Variants in ASPG observed in about 807,000 individuals in gnomAD.
ASPG encodes asparaginase.
ASPG carries 53 observed loss-of-function variants against 63.2 expected under a neutral mutation model. The observed-to-expected ratio is 0.84, with a 90% CI of 0.67 to 1.05. ASPG has a LOEUF of 1.05. ASPG is among the 50% of genes least tolerant of loss of function. ASPG has a pLI of 0.00. For missense variants in ASPG, 741 were observed against 794.4 expected, an observed-to-expected ratio of 0.93 and a Z score of 0.81; for synonymous variants, 370 against 355.0, an observed-to-expected ratio of 1.04 and a Z score of -0.48.
At chr14:104,111,265 A>C (rs2037372371) in intron 13 of ASPG, 3 of 898,292 alleles carry the variant, frequency 3.3e-6, no homozygotes, top group Non-Finnish European at 4.0e-6. Flanking sequence ...ATGTGTGTTC[A>C]TGTATGTTTG....
chr14:104,106,492 G>A (rs1193942666), intron 10 of ASPG, among the ~76,000 whole-genome samples: 1 of 152,144 alleles, frequency 6.6e-6, no homozygotes, highest in East Asian at 1.9e-4. Flanking sequence ...GGGAGCAGAC[G>A]GGGGAGTCTG....
chr14:104,098,155 G>GTATGGAGGTTATACC (rs2036708826), intron 5 of ASPG, among the ~76,000 whole-genome samples: 3 of 106,856 alleles, frequency 2.8e-5, no homozygotes, highest in Non-Finnish European at 6.3e-5. Context: ...GAGGTTCTGC[G>GTATGGAGGTTATACC]TTAGAGATAC....
chr14:104,087,657 C>T (rs747740145), intron 1 of ASPG, among the ~76,000 whole-genome samples: 12 of 152,212 alleles, frequency 7.9e-5, no homozygotes, highest in African/African-American at 2.7e-4. Context: ...CCTCGTCCGA[C>T]GCCCCTGACG....
chr14:104,098,588 C>T (rs2036730206), intron 5 of ASPG, among the ~76,000 whole-genome samples: 1 of 152,158 alleles, frequency 6.6e-6, no homozygotes, highest in Admixed American at 6.5e-5. Flanking sequence ...ACCCTCCTGC[C>T]ACCCAGCCAC....
chr14:104,109,435 C>A lies in ASPG; in HGVS notation c.1520+120C>A. 1 of 1,121,086 alleles carries A rather than the reference C, an allele frequency of 8.9e-7. No individual in the cohort carries two copies. The highest frequency in any genetic ancestry group is 1.3e-6 in the Non-Finnish European group (1 of 799,894). The allele number at this position is 1,121,086 out of a possible 1,614,324, so 69.4% of individuals were successfully genotyped here. A position where few individuals can be genotyped will look rare whatever the true frequency, so the allele number is the denominator to read the frequency against. ...GGTGTGGGGGCTTTCAGAGGCGAGG[C>A]CCGCTGACCTCAGTGTGCACCAACC... On this transcript the variant is annotated intron_variant, in intron 13 of 15. Transcript: ENST00000551177. The surrounding 1 kb of genome is among the most constrained non-coding windows in gnomAD (Gnocchi z 4.8).
chr14:104,107,440 G>A, intron 12 of ASPG, 95 bp downstream of exon 12: 1 of 1,239,082 alleles, frequency 8.1e-7, no homozygotes, highest in African/African-American at 1.6e-5. Flanking sequence ...GGGCTGGGCT[G>A]GGAGAGGTGG....
Position 104,109,370 on chromosome 14 carries a change from G to A in ASPG, c.1520+55G>A. 1 of 1,532,298 alleles carries A rather than the reference G, an allele frequency of 6.5e-7. No homozygotes were observed. The highest frequency in any genetic ancestry group is 8.8e-7 in the Non-Finnish European group (1 of 1,135,280). The allele number at this position is 1,532,298 out of a possible 1,614,324, so 94.9% of individuals were successfully genotyped here. A position where few individuals can be genotyped will look rare whatever the true frequency, so the allele number is the denominator to read the frequency against. On this transcript the variant is annotated intron_variant, in intron 13 of 15. Coordinates refer to ENST00000551177, the MANE Select transcript of ASPG (RefSeq NM_001080464.3). The surrounding 1 kb of genome is among the most constrained non-coding windows in gnomAD (Gnocchi z 4.8). ...AGGGATGTGGGGGACACAGCTTGGG[G>A]AAGCGAAGCCAGACCTGCTGGGAGG... is the stretch of plus-strand genomic sequence containing the variant.
intron 13 of ASPG, 105 bp from the exon 14 acceptor site, chr14:104,111,397 G>A: frequency 8.8e-7 from 1 of 1,135,814 alleles, no homozygotes; most frequent in East Asian, 2.6e-5. Flanking sequence ...AGCTGTTTGG[G>A]GCTGGCTTTG....
At chr14:104,102,094 C>G (rs1444011404) in intron 6 of ASPG, among the ~76,000 whole-genome samples, 1 of 152,090 alleles carries the variant, frequency 6.6e-6, no homozygotes, top group African/African-American at 2.4e-5. Flanking sequence ...AGCCCCCTCT[C>G]AGCCATAACT....
At chr14:104,104,564 T>G (rs2037032472) in intron 8 of ASPG, 58 bp from the exon 9 acceptor site, 1 of 1,586,354 alleles carries the variant, frequency 6.3e-7, no homozygotes, top group African/African-American at 1.3e-5. Flanking sequence ...GACCCACCCC[T>G]CATGGGCTGG....
chr14:104,103,805 G>T (rs563751405), intron 7 of ASPG, 130 bp downstream of exon 7: 2 of 731,064 alleles, frequency 2.7e-6, no homozygotes, highest in East Asian at 2.8e-5. Flanking sequence ...GATGTCTGCA[G>T]TGTGGCCCCA....
intron 13 of ASPG, chr14:104,111,126 T>C (rs1273591541): frequency 1.1e-5 from 11 of 985,246 alleles, no homozygotes; most frequent in African/African-American, 1.7e-5. Flanking sequence ...GGCGTGCATA[T>C]GTGTGTGCAA....
intron 15 of ASPG, 153 bp from the exon 16 acceptor site, chr14:104,112,371 T>C: frequency 1.5e-6 from 1 of 665,790 alleles, no homozygotes; most frequent in South Asian, 1.7e-5. Flanking sequence ...GACACCCCCA[T>C]TCCCACTTGG....
At chr14:104,087,956 T>C (rs1279646328) in intron 1 of ASPG, among the ~76,000 whole-genome samples, 3 of 152,128 alleles carry the variant, frequency 2.0e-5, no homozygotes, top group Non-Finnish European at 2.9e-5. Flanking sequence ...CCTTCTGAGA[T>C]CCCTTGGTGC....
chr14:104,111,895 G>C (rs891524485), intron 14 of ASPG, 25 bp from the exon 15 acceptor site: 79 of 1,548,098 alleles, frequency 5.1e-5, no homozygotes, highest in Non-Finnish European at 6.6e-5. Context: ...CCCCAAGGCA[G>C]CCCCTCCCCA....
chr14:104,100,953 G>A (rs531590645), intron 6 of ASPG, among the ~76,000 whole-genome samples: 10 of 152,338 alleles, frequency 6.6e-5, no homozygotes, highest in Admixed American at 3.3e-4. Flanking sequence ...GGTGGACCCC[G>A]CCCCAACAGT....
At chr14:104,102,392 A>C (rs1390273603) in intron 6 of ASPG, among the ~76,000 whole-genome samples, 1 of 152,038 alleles carries the variant, frequency 6.6e-6, no homozygotes, top group African/African-American at 2.4e-5. Flanking sequence ...CATGTGGGTG[A>C]CATCTCCCTG....
rs1049209575 is a variant in ASPG at position 104,106,691 on chromosome 14, C to T, written c.1174-108C>T. 4.9e-5 allele frequency: 49 copies of T among 991,138 alleles called. No individual in the cohort carries two copies. The African/African-American group carries it at 6.3e-4, about 13-fold the overall frequency. 61.4% of individuals were successfully genotyped at this position (991,138 alleles called of 1,614,324 possible). A position where few individuals can be genotyped will look rare whatever the true frequency, so the allele number is the denominator to read the frequency against. On this transcript the variant is annotated intron_variant, in intron 10 of 15. Transcript: ENST00000551177. ...CTTCTCACCCACGCCCTGGGATCTG[C>T]GGGCCCTTGTGTGGGGGCTGGCAGG...
chr14:104,105,353 A>T lies in ASPG; in HGVS notation c.1076A>T (p.Glu359Val), dbSNP rs1443951944. 1 of 1,612,392 alleles carries T rather than the reference A, an allele frequency of 6.2e-7. No individual in the cohort carries two copies. Residue 359 changes from glutamate (E) to valine (V), a missense_variant, in exon 10 of 16, where the codon GAG becomes GTG. By Grantham distance (121) the Glu-to-Val change is moderately radical. Transcript: ENST00000551177. ...KELLTKDLRG[E>V]MTPPSVEERR... ...CTGCTGACCAAGGACCTTCGGGGGG[A>T]GATGACGCCACCCTCGGTGGAAGAG...
Sources: allele counts gnomAD v4.1 joint callset (sites outside exome capture counted in the v4.1 genomes callset), GRCh38; gene constraint gnomAD v4.1.1; non-coding constraint Gnocchi (gnomAD v3.1); transcripts MANE v1.5; gene names NCBI Gene and HGNC (gene_info 2026-07-23, HGNC 2026-07-21).